TGFB2: variants seen among roughly 807,000 people sequenced by gnomAD.
The protein encoded by TGFB2 is transforming growth factor beta 2.
In TGFB2, 13 loss-of-function variants were observed where a neutral mutation model predicts 42.7. That is an observed-to-expected ratio of 0.30 (90% CI 0.20 to 0.48). The LOEUF (loss-of-function observed/expected upper bound fraction) is 0.48, where lower values mean the gene tolerates loss of function less well. TGFB2 is among the 20% of genes least tolerant of loss of function. The pLI is 0.99. For synonymous variants in TGFB2, 193 were observed against 193.6 expected, an observed-to-expected ratio of 1.00 and a Z score of 0.03; for missense variants, 390 against 517.5, an observed-to-expected ratio of 0.75 and a Z score of 2.39.
At chr1:218,427,912 G>T (rs1252318718) in intron 2 of TGFB2, among the ~76,000 whole-genome samples, 1 of 152,196 alleles carries the variant, frequency 6.6e-6, no homozygotes, top group Non-Finnish European at 1.5e-5. Context: ...TTGCCACACT[G>T]TCTTCCACAA....
chr1:218,368,667 A>G (rs1172529943), intron 1 of TGFB2, among the ~76,000 whole-genome samples: 1 of 152,216 alleles, frequency 6.6e-6, no homozygotes, highest in African/African-American at 2.4e-5. Context: ...TAAGCTGGGC[A>G]TGGATGAATT....
chr1:218,439,536 C>T (rs1339876786), intron 6 of TGFB2, among the ~76,000 whole-genome samples: 2 of 152,190 alleles, frequency 1.3e-5, no homozygotes, highest in East Asian at 1.9e-4. Flanking sequence ...TAAATACCTA[C>T]ATATGCTGGA....
chr1:218,415,603 G>A (rs1659248354), intron 2 of TGFB2, among the ~76,000 whole-genome samples: 1 of 147,626 alleles, frequency 6.8e-6, no homozygotes, highest in Admixed American at 7.0e-5. Context: ...GCTGAGGCAG[G>A]AGAATCACTT....
intron 2 of TGFB2, among the ~76,000 whole-genome samples, chr1:218,431,367 C>T (rs1890994): frequency 0.19 from 29,563 of 152,166 alleles, 3,853 homozygotes; most frequent in East Asian, 0.55. Context: ...TCTAAATGTA[C>T]TCCTTTTCTA....
intron 1 of TGFB2, among the ~76,000 whole-genome samples, chr1:218,404,768 G>C (rs1040492815): frequency 2.0e-5 from 3 of 152,184 alleles, no homozygotes; most frequent in African/African-American, 7.2e-5. Flanking sequence ...TGGGCAAACT[G>C]CTGGCCATTA....
chr1:218,376,795 C>T (rs1657756706), intron 1 of TGFB2, among the ~76,000 whole-genome samples: 1 of 152,212 alleles, frequency 6.6e-6, no homozygotes, highest in Non-Finnish European at 1.5e-5. Context: ...CCCATTTGTA[C>T]ACACTACCCT....
rs1660211200 is a variant in TGFB2 at position 218,443,140 on chromosome 1, G to C, written c.*1778G>C. 6.6e-6 allele frequency: 1 copy of C among 152,156 alleles called. No individual in the cohort carries two copies. The highest frequency in any genetic ancestry group is 6.5e-5 in the Admixed American group (1 of 15,274). 9.4% of individuals were successfully genotyped at this position (152,156 alleles called of 1,614,324 possible). A position where few individuals can be genotyped will look rare whatever the true frequency, so the allele number is the denominator to read the frequency against. On this transcript the variant is annotated 3_prime_UTR_variant, in exon 7 of 7. Coordinates refer to ENST00000366930, the MANE Select transcript of TGFB2 (RefSeq NM_003238.6). ...AAAGGCACAAGCCAATTTTTCCTAT[G>C]ATCAAAAAATTCTTTCTTTCCTCTG...
chr1:218,427,089 GA>G (rs1181088297), intron 2 of TGFB2, among the ~76,000 whole-genome samples: 1 of 151,444 alleles, frequency 6.6e-6, no homozygotes, highest in Non-Finnish European at 1.5e-5. Flanking sequence ...CCTAAAATTA[GA>G]AAAAAAATTA....
In TGFB2 at chr1:218,346,655, T is replaced by C. The variant is rs199596910; in HGVS notation, c.-47T>C. ...CTTTGAGAATTGTTGATTTCTTTTT[T>C]TTATTCTGACTTTTAAAAACAACTT... On this transcript the variant is annotated 5_prime_UTR_variant, in exon 1 of 7. Coordinates refer to ENST00000366930, the MANE Select transcript of TGFB2 (RefSeq NM_003238.6). The surrounding 1 kb of genome is among the most constrained non-coding windows in gnomAD (Gnocchi z 4.9). The C allele has an allele frequency of 6.7e-7, 1 of 1,500,616 alleles. No individual in the cohort carries two copies. The highest frequency in any genetic ancestry group is 9.0e-7 in the Non-Finnish European group (1 of 1,105,722). The allele number at this position is 1,500,616 out of a possible 1,614,324, so 93.0% of individuals were successfully genotyped here.
At chr1:218,428,710 C>A (rs1033800611) in intron 2 of TGFB2, among the ~76,000 whole-genome samples, 1 of 152,148 alleles carries the variant, frequency 6.6e-6, no homozygotes, top group Non-Finnish European at 1.5e-5. Context: ...TGTTTTGGTA[C>A]CAGCACCATG....
chr1:218,352,936 A>G (rs1656914547), intron 1 of TGFB2, among the ~76,000 whole-genome samples: 1 of 152,164 alleles, frequency 6.6e-6, no homozygotes, highest in African/African-American at 2.4e-5. Flanking sequence ...CTGGCCTTCT[A>G]GGGTTGTAAG....
chr1:218,393,145 A>C (rs1658372759), intron 1 of TGFB2, among the ~76,000 whole-genome samples: 1 of 152,234 alleles, frequency 6.6e-6, no homozygotes. Context: ...TCAAAAGTCC[A>C]TACTAGTCAT....
chr1:218,394,367 G>A (rs1243302250), intron 1 of TGFB2, among the ~76,000 whole-genome samples: 1 of 152,098 alleles, frequency 6.6e-6, no homozygotes, highest in Non-Finnish European at 1.5e-5. Context: ...CGTGTAGGTG[G>A]GGTTTTATGA....
At chr1:218,373,844 G>A (rs1424609021) in intron 1 of TGFB2, among the ~76,000 whole-genome samples, 2 of 152,196 alleles carry the variant, frequency 1.3e-5, no homozygotes, top group African/African-American at 4.8e-5. Context: ...AAGTCTGGAT[G>A]TGTTTCTTTT....
chr1:218,369,028 G>A (rs964197312), intron 1 of TGFB2, among the ~76,000 whole-genome samples: 2 of 151,810 alleles, frequency 1.3e-5, no homozygotes, highest in Non-Finnish European at 2.9e-5. Flanking sequence ...AGGCCGAGGC[G>A]GGTGGATCAC....
At chr1:218,359,766 T>G (rs1322253757) in intron 1 of TGFB2, among the ~76,000 whole-genome samples, 2 of 152,184 alleles carry the variant, frequency 1.3e-5, no homozygotes, top group Non-Finnish European at 2.9e-5. Context: ...ATGCATTGTT[T>G]GTTTGTGTGG....
At chr1:218,366,574 G>A (rs568140996) in intron 1 of TGFB2, among the ~76,000 whole-genome samples, 1 of 152,284 alleles carries the variant, frequency 6.6e-6, no homozygotes, top group East Asian at 1.9e-4. Context: ...GCCTTCTGAA[G>A]TGCAGCGATT....
chr1:218,443,714 T>G lies in TGFB2; in HGVS notation c.*2352T>G, dbSNP rs537275941. On this transcript the variant is annotated 3_prime_UTR_variant, in exon 7 of 7. Transcript: ENST00000366930. The stretch of plus-strand genomic sequence containing the variant: ...TTTTAAGATCTCTTGAATCTGTTTT[T>G]TTTTTTTTTAATTTGGGGGTTCTGT... The G allele has an allele frequency of 9.2e-5, 14 of 152,120 alleles. No homozygotes were observed. Among genetic ancestry groups the G allele is most frequent in the Non-Finnish European group, 1.8e-4 (12 of 67,964 alleles). The allele number at this position is 152,120 out of a possible 1,614,324, so 9.4% of individuals were successfully genotyped here. A position where few individuals can be genotyped will look rare whatever the true frequency, so the allele number is the denominator to read the frequency against.
chr1:218,437,531 G>T, intron 6 of TGFB2, 35 bp downstream of exon 6: 1 of 1,575,642 alleles, frequency 6.3e-7, no homozygotes, highest in Non-Finnish European at 8.6e-7. Context: ...CTCTGTTCTT[G>T]GGTTACCATG....
Sources: gnomAD v4.1 joint callset for allele counts (sites outside exome capture counted in the v4.1 genomes callset) on GRCh38, gnomAD v4.1.1 for gene constraint, Gnocchi (gnomAD v3.1) non-coding constraint, MANE v1.5 for transcripts, NCBI Gene and HGNC (gene_info 2026-07-23, HGNC 2026-07-21) for gene names.